RSRC1: variants seen among roughly 807,000 people sequenced by gnomAD.
The protein encoded by RSRC1 is arginine and serine rich coiled-coil 1.
Under a neutral mutation model 49.1 loss-of-function variants are expected in RSRC1, and 39 were observed. The ratio of observed to expected loss-of-function variants is 0.79; its 90% CI spans 0.61 to 1.04. The LOEUF is 1.04. RSRC1 is among the 50% of genes least tolerant of loss of function. The pLI, the probability that RSRC1 is intolerant of heterozygous loss-of-function variation, is 0.00. For synonymous variants in RSRC1, 143 were observed against 130.8 expected, an observed-to-expected ratio of 1.09 and a Z score of -0.63; for missense variants, 388 against 402.4, an observed-to-expected ratio of 0.96 and a Z score of 0.31.
At chr3:158,168,834 T>G in intron 3 of RSRC1, among the ~76,000 whole-genome samples, 1 of 152,144 alleles carries the variant, frequency 6.6e-6, no homozygotes, top group East Asian at 1.9e-4. Context: ...TGTATTGGAT[T>G]TCTTGTATAG....
At chr3:158,206,685 G>A (rs988909631) in intron 4 of RSRC1, among the ~76,000 whole-genome samples, 1 of 152,040 alleles carries the variant, frequency 6.6e-6, no homozygotes, top group African/African-American at 2.4e-5. Context: ...AGGCCGAGGC[G>A]GGTGGATCAC....
At chr3:158,233,257 T>C (rs1012477400) in intron 4 of RSRC1, among the ~76,000 whole-genome samples, 1 of 152,164 alleles carries the variant, frequency 6.6e-6, no homozygotes, top group African/African-American at 2.4e-5. Flanking sequence ...TTTATATCAG[T>C]GGGCCAAAGC....
intron 8 of RSRC1, 95 bp from the exon 9 acceptor site, chr3:158,543,240 C>A: frequency 9.0e-7 from 1 of 1,114,122 alleles, no homozygotes; most frequent in Non-Finnish European, 1.2e-6. Context: ...TCAAAGGAGA[C>A]TAATTGAACA....
chr3:158,334,867 G>C (rs6806720), intron 5 of RSRC1, among the ~76,000 whole-genome samples: 1 of 151,910 alleles, frequency 6.6e-6, no homozygotes, highest in Non-Finnish European at 1.5e-5. Flanking sequence ...ATAATGTGTA[G>C]CCATTACAAA....
At chr3:158,197,048 A>G (rs984889781) in intron 3 of RSRC1, among the ~76,000 whole-genome samples, 17 of 151,968 alleles carry the variant, frequency 1.1e-4, no homozygotes, top group Non-Finnish European at 2.1e-4. Flanking sequence ...CTCTTTTTCT[A>G]TTGATTGGAA....
chr3:158,194,247 C>T (rs1720413392), intron 3 of RSRC1, among the ~76,000 whole-genome samples: 2 of 151,440 alleles, frequency 1.3e-5, no homozygotes, highest in South Asian at 2.1e-4. Flanking sequence ...GCACTCCAGC[C>T]TGGCTGACAG....
At chr3:158,484,118 A>T (rs1233491324) in intron 7 of RSRC1, among the ~76,000 whole-genome samples, 1 of 152,100 alleles carries the variant, frequency 6.6e-6, no homozygotes, top group Non-Finnish European at 1.5e-5. Flanking sequence ...GGGGTGATTA[A>T]GTGTTTCCCC....
At chr3:158,344,239 A>G (rs1252190860) in intron 5 of RSRC1, among the ~76,000 whole-genome samples, 2 of 152,222 alleles carry the variant, frequency 1.3e-5, no homozygotes, top group Non-Finnish European at 2.9e-5. Flanking sequence ...AGCCTAGCCG[A>G]CAGAGCAAGA....
At position 158,333,863 on chromosome 3, in the gene RSRC1, G is replaced by A. The variant is rs112232643; in HGVS notation, c.532-20994G>A. On this transcript the variant is annotated intron_variant, in intron 5 of 9. Transcript: ENST00000611884. ...CCTTTCCAGCAGTCATACAAAGGGA[G>A]ACAAAATAAAGAAGTTGAAAGAAAA... 6.9e-3 allele frequency among the ~76,000 whole-genome samples: 1,043 copies of A among 152,234 alleles called. 17 individuals carry two copies. Among genetic ancestry groups the A allele is most frequent in the African/African-American group, 0.024 (1,013 of 41,542 alleles).
In RSRC1 at chr3:158,194,100, C is replaced by G. The variant is rs376535386; in HGVS notation, c.321-8972C>G. ...ACACACACACACACACACACACACA[C>G]ACAGAAAAGAAATTAGCTGAGCATG... On this transcript the variant is annotated intron_variant, in intron 3 of 9. Coordinates refer to ENST00000611884, the MANE Select transcript of RSRC1 (RefSeq NM_001271838.2). Among the ~76,000 whole-genome samples, 41 of 114,196 alleles carry G rather than the reference C, an allele frequency of 3.6e-4. No homozygotes were observed. The East Asian group carries it at 4.1e-3, about 12-fold the overall frequency. 74.9% of individuals were successfully genotyped at this position (114,196 alleles called of 152,430 possible). A position where few individuals can be genotyped will look rare whatever the true frequency, so the allele number is the denominator to read the frequency against.
chr3:158,195,947 G>A (rs1264894305), intron 3 of RSRC1, among the ~76,000 whole-genome samples: 5 of 151,894 alleles, frequency 3.3e-5, no homozygotes, highest in African/African-American at 9.7e-5. Flanking sequence ...CTCCAGCTTT[G>A]TTCTTTTGGC....
chr3:158,274,022 A>G (rs925560118), intron 4 of RSRC1, among the ~76,000 whole-genome samples: 1 of 152,202 alleles, frequency 6.6e-6, no homozygotes, highest in Non-Finnish European at 1.5e-5. Context: ...ATAACTTAAA[A>G]CTGAAACATT....
rs146866939 is a variant in RSRC1 at position 158,490,283 on chromosome 3, A to G, written c.652+29280A>G. 2.1e-3 allele frequency among the ~76,000 whole-genome samples: 323 copies of G among 152,242 alleles called. 5 individuals are homozygous for G. Among genetic ancestry groups the G allele is most frequent in the African/African-American group, 7.4e-3 (308 of 41,544 alleles). On this transcript the variant is annotated intron_variant, in intron 7 of 9. Coordinates refer to ENST00000611884, the MANE Select transcript of RSRC1 (RefSeq NM_001271838.2). ...GTGTTTTTAGTAGAGATGGGGTTTC[A>G]CCACGTTAGCCAGGATGGTCTCAAT...
intron 4 of RSRC1, among the ~76,000 whole-genome samples, chr3:158,288,411 A>G (rs1726703900): frequency 6.6e-6 from 1 of 152,114 alleles, no homozygotes; most frequent in South Asian, 2.1e-4. Flanking sequence ...TCACCTGCTA[A>G]CTCCAAACAA....
chr3:158,198,595 T>C (rs1336106862), intron 3 of RSRC1, among the ~76,000 whole-genome samples: 8 of 152,210 alleles, frequency 5.3e-5, no homozygotes, highest in Admixed American at 5.2e-4. Context: ...CGACGGTCTT[T>C]ACAATTTGGC....
chr3:158,282,275 A>C (rs1005965198), intron 4 of RSRC1, among the ~76,000 whole-genome samples: 2 of 152,230 alleles, frequency 1.3e-5, no homozygotes, highest in Non-Finnish European at 2.9e-5. Context: ...TGGTATCCAC[A>C]GATTTAATAT....
intron 4 of RSRC1, among the ~76,000 whole-genome samples, chr3:158,228,927 AAC>A (rs1216104355): frequency 2.2e-5 from 3 of 133,396 alleles, no homozygotes; most frequent in African/African-American, 3.5e-5. Context: ...TGTGTGTATA[AAC>A]ACACATACGT....
chr3:158,258,687 C>T (rs1486101034), intron 4 of RSRC1, among the ~76,000 whole-genome samples: 2 of 151,970 alleles, frequency 1.3e-5, no homozygotes, highest in Non-Finnish European at 2.9e-5. Flanking sequence ...CTTAGATTTG[C>T]CCTTTTGGGG....
chr3:158,261,095 T>C (rs1195845150), intron 4 of RSRC1, among the ~76,000 whole-genome samples: 1 of 152,238 alleles, frequency 6.6e-6, no homozygotes, highest in Non-Finnish European at 1.5e-5. Context: ...TTTAATTTGC[T>C]GTTCCTGCCA....
Sources: gnomAD v4.1 joint callset for allele counts (sites outside exome capture counted in the v4.1 genomes callset) on GRCh38, gnomAD v4.1.1 for gene constraint, MANE v1.5 for transcripts, NCBI Gene and HGNC (gene_info 2026-07-23, HGNC 2026-07-21) for gene names.